Variants in PAPPA2 observed in about 807,000 individuals in gnomAD.
PAPPA2 encodes pappalysin-2.
PAPPA2 carries 86 observed loss-of-function variants against 176.4 expected under a neutral mutation model. The observed-to-expected ratio is 0.49, with a 90% confidence interval of 0.41 to 0.58. The LOEUF (loss-of-function observed/expected upper bound fraction) is 0.58. Ranked by LOEUF, PAPPA2 falls within the 20% of genes least tolerant of loss-of-function variation. The probability of loss-of-function intolerance (pLI) is 0.00; values close to 1 mark genes in which losing one functional copy is unlikely to be tolerated. For missense variants in PAPPA2, 2,073 were observed against 2,256.9 expected, an observed-to-expected ratio of 0.92 and a Z score of 1.65; for synonymous variants, 809 against 852.2, an observed-to-expected ratio of 0.95 and a Z score of 0.88.
chr1:176,558,348 G>A (rs905323793), intron 2 of PAPPA2, among the ~76,000 whole-genome samples: 2 of 152,154 alleles, frequency 1.3e-5, no homozygotes, highest in African/African-American at 4.8e-5. Flanking sequence ...AAGATTTTCC[G>A]AATTAAGAAA....
Position 176,556,515 on chromosome 1 carries a change from C to G in PAPPA2, c.193C>G (p.His65Asp). 6.2e-7 allele frequency: 1 copy of G among 1,614,190 alleles called. No individual in the cohort carries two copies. Among genetic ancestry groups the G allele is most frequent in the East Asian group, 2.2e-5 (1 of 44,872 alleles). The change falls in exon 2 of 23, where the codon CAT becomes GAT. Residue 65 changes from histidine to aspartate, a missense_variant. This residue lies in a region of PAPPA2 where 1,196 missense variants were observed against 1,330.4 expected (regional missense o/e 0.90). Coordinates refer to ENST00000367662, the MANE Select transcript of PAPPA2 (RefSeq NM_020318.3). ...TCGAAGACCCAGAGCTTCTCCACAG[C>G]ATCACCTCTTTGGAGTCTACCCCAG... ...KVRRPRASPQ[H>D]HLFGVYPSRA...
At chr1:176,576,442 C>G (rs1020303634) in intron 2 of PAPPA2, among the ~76,000 whole-genome samples, 2 of 151,646 alleles carry the variant, frequency 1.3e-5, no homozygotes, top group Non-Finnish European at 2.9e-5. Flanking sequence ...AGAGAAGTGT[C>G]CCAAATGGTC....
intron 17 of PAPPA2, among the ~76,000 whole-genome samples, chr1:176,785,367 G>A (rs1302123215): frequency 6.6e-6 from 1 of 152,110 alleles, no homozygotes; most frequent in African/African-American, 2.4e-5. Flanking sequence ...TTGCTAGAAG[G>A]CTGTGGGTGA....
At chr1:176,817,572 C>G (rs1666454803) in intron 21 of PAPPA2, among the ~76,000 whole-genome samples, 1 of 152,022 alleles carries the variant, frequency 6.6e-6, no homozygotes, top group Non-Finnish European at 1.5e-5. Flanking sequence ...ACAGCCCAGA[C>G]AAGGCACCAA....
Position 176,595,109 on chromosome 1 carries a change from C to T in PAPPA2, c.1505C>T (p.Thr502Ile). The T allele has an allele frequency of 6.2e-7, 1 of 1,614,164 alleles. No homozygotes were observed. Among genetic ancestry groups the T allele is most frequent in the Non-Finnish European group, 8.5e-7 (1 of 1,180,016 alleles). The part of the protein sequence containing the change: ...SPLQPPLCGQ[T>I]VCDNVELISQ... ...TTGCAGCCCCCACTCTGTGGGCAAA[C>T]AGTCTGTGACAATGTGGAATTGATC... The change falls in exon 3 of 23, where the codon ACA (threonine) becomes ATA (isoleucine). Residue 502 changes from threonine to isoleucine, a missense_variant. By Grantham distance (89) the Thr-to-Ile change is moderately conservative. This residue lies in a region of PAPPA2 where 1,196 missense variants were observed against 1,330.4 expected (regional missense o/e 0.90). Coordinates refer to ENST00000367662, the MANE Select transcript of PAPPA2 (RefSeq NM_020318.3).
At chr1:176,782,414 A>G (rs1227183276) in intron 17 of PAPPA2, among the ~76,000 whole-genome samples, 1 of 152,218 alleles carries the variant, frequency 6.6e-6, no homozygotes, top group South Asian at 2.1e-4. Context: ...TATGCATCCT[A>G]TGAAAGGAAA....
At chr1:176,552,291 C>T (rs1651005719) in intron 1 of PAPPA2, among the ~76,000 whole-genome samples, 1 of 151,350 alleles carries the variant, frequency 6.6e-6, no homozygotes, top group Admixed American at 6.6e-5. Flanking sequence ...TCCTCCTACC[C>T]TCCCCCTTCC....
At chr1:176,713,970 A>G (rs1412612022) in intron 12 of PAPPA2, among the ~76,000 whole-genome samples, 1 of 152,196 alleles carries the variant, frequency 6.6e-6, no homozygotes, top group African/African-American at 2.4e-5. Context: ...TGGCTGGCCT[A>G]AAACAATTAA....
At chr1:176,769,123 C>T (rs535544318) in intron 15 of PAPPA2, among the ~76,000 whole-genome samples, 170 of 152,302 alleles carry the variant, frequency 1.1e-3, no homozygotes, top group African/African-American at 3.9e-3. Flanking sequence ...CTGTGTAGAG[C>T]AGGCTTCCAG....
At chr1:176,711,629 G>T (rs1661148807) in intron 11 of PAPPA2, among the ~76,000 whole-genome samples, 1 of 152,182 alleles carries the variant, frequency 6.6e-6, no homozygotes, top group Non-Finnish European at 1.5e-5. Context: ...GAGAGTTGTT[G>T]TGTTTTCTAC....
chr1:176,492,789 A>C (rs1476746835), intron 1 of PAPPA2, among the ~76,000 whole-genome samples: 1 of 152,214 alleles, frequency 6.6e-6, no homozygotes, highest in Non-Finnish European at 1.5e-5. Context: ...TTTCCAAAGC[A>C]TTTTATTTGC....
intron 3 of PAPPA2, among the ~76,000 whole-genome samples, chr1:176,651,781 T>C (rs1657741769): frequency 6.6e-6 from 1 of 151,608 alleles, no homozygotes; most frequent in Non-Finnish European, 1.5e-5. Context: ...TTAGATTTGG[T>C]CTTTTGAGAT....
At chr1:176,674,736 T>C (rs1659194168) in intron 4 of PAPPA2, among the ~76,000 whole-genome samples, 1 of 113,656 alleles carries the variant, frequency 8.8e-6, no homozygotes, top group Non-Finnish European at 2.1e-5. Context: ...GTGCAAGTGT[T>C]TTTTTTTTTT....
At chr1:176,825,993 C>T (rs1040989562) in intron 21 of PAPPA2, among the ~76,000 whole-genome samples, 9 of 152,156 alleles carry the variant, frequency 5.9e-5, no homozygotes, top group Non-Finnish European at 1.0e-4. Context: ...TAGCATTCCA[C>T]GTCACGCTAT....
chr1:176,563,009 T>G (rs907776109), intron 2 of PAPPA2, among the ~76,000 whole-genome samples: 2 of 152,188 alleles, frequency 1.3e-5, no homozygotes, highest in Admixed American at 1.3e-4. Context: ...CTTCCTGCCT[T>G]ATTTGTTATG....
chr1:176,667,784 C>CT (rs1658751815), intron 3 of PAPPA2, among the ~76,000 whole-genome samples: 1 of 152,170 alleles, frequency 6.6e-6, no homozygotes, highest in Non-Finnish European at 1.5e-5. Flanking sequence ...AGCTCAAGAT[C>CT]TTTTTCTTAT....
At chr1:176,645,022 A>G (rs1421787363) in intron 3 of PAPPA2, among the ~76,000 whole-genome samples, 1 of 151,886 alleles carries the variant, frequency 6.6e-6, no homozygotes, top group Non-Finnish European at 1.5e-5. Flanking sequence ...ATATATTCAT[A>G]TAATTTGTAA....
intron 1 of PAPPA2, among the ~76,000 whole-genome samples, chr1:176,538,389 A>T (rs918290107): frequency 2.0e-5 from 3 of 152,190 alleles, no homozygotes; most frequent in African/African-American, 7.2e-5. Flanking sequence ...GGAAATGAAG[A>T]TGTGGGGAGG....
intron 2 of PAPPA2, among the ~76,000 whole-genome samples, chr1:176,563,067 A>T (rs1429536817): frequency 6.6e-6 from 1 of 152,176 alleles, no homozygotes; most frequent in Non-Finnish European, 1.5e-5. Context: ...AGGCAAATGC[A>T]TGTCTGATTA....
Sources: gnomAD v4.1 joint callset for allele counts (sites outside exome capture counted in the v4.1 genomes callset) on GRCh38, gnomAD v4.1.1 for gene constraint, gnomAD v4.1.1 regional missense constraint, MANE v1.5 for transcripts, NCBI Gene and HGNC (gene_info 2026-07-23, HGNC 2026-07-21) for gene names.